TRPC1: variants seen among roughly 807,000 people sequenced by gnomAD.
TRPC1 encodes the protein transient receptor potential cation channel subfamily C member 1.
In TRPC1, 42 loss-of-function variants were observed where a neutral mutation model predicts 88.2. The ratio of observed to expected loss-of-function variants is 0.48; its 90% CI spans 0.37 to 0.62. The LOEUF is 0.62. Ranked by LOEUF, TRPC1 falls within the 20% of genes least tolerant of loss-of-function variation. TRPC1 has a pLI of 0.00. For missense variants in TRPC1, 699 were observed against 957.3 expected, an observed-to-expected ratio of 0.73 and a Z score of 3.56; for synonymous variants, 288 against 331.8, an observed-to-expected ratio of 0.87 and a Z score of 1.43.
chr3:142,805,136 AC>A (rs1349470892), intron 12 of TRPC1, among the ~76,000 whole-genome samples: 3 of 82,150 alleles, frequency 3.7e-5, no homozygotes, highest in African/African-American at 2.2e-4. Flanking sequence ...ATATACACAC[AC>A]ACACACACAC....
At chr3:142,793,826 C>T (rs1420643399) in intron 9 of TRPC1, 1 of 981,492 alleles carries the variant, frequency 1.0e-6, no homozygotes, top group East Asian at 1.1e-4. Flanking sequence ...GGCATAATTA[C>T]CTTCTCCAAA....
chr3:142,749,080 T>C (rs532742099), intron 4 of TRPC1, among the ~76,000 whole-genome samples: 226 of 152,328 alleles, frequency 1.5e-3, no homozygotes, highest in African/African-American at 5.1e-3. Flanking sequence ...CATACAGTCA[T>C]GTGCTACATG....
chr3:142,794,440 G>C (rs1289014478), intron 9 of TRPC1, among the ~76,000 whole-genome samples: 1 of 151,894 alleles, frequency 6.6e-6, no homozygotes, highest in African/African-American at 2.4e-5. Flanking sequence ...TCTATCTAAA[G>C]CAATCAAAAA....
chr3:142,763,848 T>C (rs1935273773), intron 4 of TRPC1, among the ~76,000 whole-genome samples: 1 of 151,088 alleles, frequency 6.6e-6, no homozygotes, highest in Non-Finnish European at 1.5e-5. Context: ...GAATATATTA[T>C]AGGTTTCATA....
In TRPC1 at chr3:142,759,458, G is replaced by A. The variant is rs184676929; in HGVS notation, c.632+10998G>A. Among the ~76,000 whole-genome samples, 6 of 152,212 alleles carry A rather than the reference G, an allele frequency of 3.9e-5. No homozygotes were observed. In the East Asian group the frequency reaches 1.2e-3, roughly 29 times the overall value. ...TGAGCATTTTTTCATGTGTCTGTTG[G>A]GTGCATAAATGTCTTCTTTTGAGAA... is the stretch of plus-strand genomic sequence containing the variant. On this transcript the variant is annotated intron_variant, in intron 4 of 12. Transcript: ENST00000476941.
In TRPC1 at chr3:142,724,663, AG is replaced by A; in HGVS notation, c.106del (p.Asp36MetfsTer5). The stretch of plus-strand genomic sequence containing the variant: ...TCGCCGAACGAGGTGATGGCGCTGA[AG>A]GATGTGCGGGAGGTGAAGGAGGAGA... ...SSSPNEVMAL[K>X]DVREVKEENT... On this transcript the variant is annotated frameshift_variant, in exon 1 of 13. Coordinates refer to ENST00000476941, the MANE Select transcript of TRPC1 (RefSeq NM_001251845.2). LOFTEE classifies it high-confidence loss of function. This position sits in a 1 kb window ranked among gnomAD's most constrained non-coding sequence, Gnocchi z 5.6. 6.2e-7 allele frequency: 1 copy of A among 1,612,742 alleles called. No individual in the cohort carries two copies. Among genetic ancestry groups the A allele is most frequent in the Non-Finnish European group, 8.5e-7 (1 of 1,179,300 alleles).
intron 6 of TRPC1, among the ~76,000 whole-genome samples, chr3:142,784,449 A>G (rs1483085761): frequency 6.6e-6 from 1 of 151,916 alleles, no homozygotes; most frequent in Non-Finnish European, 1.5e-5. Flanking sequence ...GGCTTAGAGA[A>G]ATTTAAAAAC....
In TRPC1 at chr3:142,791,155, C is replaced by T; in HGVS notation, c.1434C>T (p.Asn478=). 6.2e-7 allele frequency: 1 copy of T among 1,600,118 alleles called. No homozygotes were observed. Among genetic ancestry groups the T allele is most frequent in the Non-Finnish European group, 8.5e-7 (1 of 1,175,324 alleles). Reference sequence around the variant, plus strand: ...TTGCCCTCAAAGTGGTTGCTCACAACAAGGTGACTATTTACTATGTCAATT... The same window carrying T: ...TTGCCCTCAAAGTGGTTGCTCACAATAAGGTGACTATTTACTATGTCAATT... The part of the protein sequence containing the change: ...ATFALKVVAH[N]KFHDFADRKD... The change falls in exon 8 of 13, where the codon AAC becomes AAT. Residue 478 remains asparagine, a synonymous_variant. Transcript: ENST00000476941.
At chr3:142,751,395 T>C (rs1400701021) in intron 4 of TRPC1, among the ~76,000 whole-genome samples, 1 of 152,224 alleles carries the variant, frequency 6.6e-6, no homozygotes, top group African/African-American at 2.4e-5. Context: ...GTATTTAGCA[T>C]AGTAACATGC....
At chr3:142,734,371 G>A (rs1385706055) in intron 1 of TRPC1, among the ~76,000 whole-genome samples, 1 of 152,092 alleles carries the variant, frequency 6.6e-6, no homozygotes, top group Non-Finnish European at 1.5e-5. Context: ...TAAGAAATCA[G>A]TGAATGGGTT....
Position 142,724,767 on chromosome 3 carries a change from T to C in TRPC1, c.172+36T>C, listed in dbSNP as rs752391265. On this transcript the variant is annotated intron_variant, in intron 1 of 12. Transcript: ENST00000476941. This position sits in a 1 kb window ranked among gnomAD's most constrained non-coding sequence, Gnocchi z 5.6. Reference sequence around the variant, plus strand: ...GGCCCCTTTCTCCTCTGGACGCCCCTGTCCTCCAGACCTTTAGTCCTCTCC... The same window carrying C: ...GGCCCCTTTCTCCTCTGGACGCCCCCGTCCTCCAGACCTTTAGTCCTCTCC... 6.6e-7 allele frequency: 1 copy of C among 1,520,700 alleles called. No individual in the cohort carries two copies. The highest frequency in any genetic ancestry group is 8.9e-7 in the Non-Finnish European group (1 of 1,126,922). The allele number at this position is 1,520,700 out of a possible 1,614,324, so 94.2% of individuals were successfully genotyped here.
chr3:142,739,822 G>A (rs1037671701), intron 2 of TRPC1, among the ~76,000 whole-genome samples: 1 of 152,160 alleles, frequency 6.6e-6, no homozygotes, highest in Non-Finnish European at 1.5e-5. Flanking sequence ...GCTTGAACTG[G>A]AACAGTGCTG....
chr3:142,782,631 T>C (rs192680425), intron 6 of TRPC1, among the ~76,000 whole-genome samples: 50 of 152,330 alleles, frequency 3.3e-4, no homozygotes, highest in Middle Eastern at 3.4e-3. Flanking sequence ...GACAGGGCTA[T>C]AATCAGCTGG....
At chr3:142,732,004 G>A (rs1293858552) in intron 1 of TRPC1, among the ~76,000 whole-genome samples, 1 of 152,180 alleles carries the variant, frequency 6.6e-6, no homozygotes, top group Non-Finnish European at 1.5e-5. Context: ...CTGTGACTGA[G>A]AGTGCATGGC....
At chr3:142,795,355 G>T (rs1453237694) in intron 9 of TRPC1, among the ~76,000 whole-genome samples, 1 of 151,618 alleles carries the variant, frequency 6.6e-6, no homozygotes, top group Middle Eastern at 3.2e-3. Flanking sequence ...CATCCAAGAA[G>T]TTCAATAAAC....
chr3:142,785,192 A>G, intron 7 of TRPC1, 152 bp downstream of exon 7: 1 of 599,984 alleles, frequency 1.7e-6, no homozygotes, highest in Non-Finnish European at 2.8e-6. Context: ...TGAAGACTTA[A>G]CTAACATGTC....
chr3:142,739,249 C>T (rs917599146), intron 2 of TRPC1, among the ~76,000 whole-genome samples: 10 of 152,180 alleles, frequency 6.6e-5, no homozygotes, highest in African/African-American at 1.9e-4. Context: ...GCTGAGATTA[C>T]AGGTGTGAGC....
At chr3:142,749,294 A>G (rs559034487) in intron 4 of TRPC1, among the ~76,000 whole-genome samples, 3 of 152,320 alleles carry the variant, frequency 2.0e-5, no homozygotes, top group Admixed American at 2.0e-4. Flanking sequence ...ATATAATTTT[A>G]TACAGTACAT....
chr3:142,787,372 A>G (rs1438528485), intron 7 of TRPC1, among the ~76,000 whole-genome samples: 1 of 152,152 alleles, frequency 6.6e-6, no homozygotes, highest in Non-Finnish European at 1.5e-5. Flanking sequence ...TCAACTTACT[A>G]TTTCAAGCAA....
Sources: gnomAD v4.1 joint callset for allele counts (sites outside exome capture counted in the v4.1 genomes callset) on GRCh38, gnomAD v4.1.1 for gene constraint, Gnocchi (gnomAD v3.1) non-coding constraint, MANE v1.5 for transcripts, NCBI Gene and HGNC (gene_info 2026-07-23, HGNC 2026-07-21) for gene names.